Variants in SLC8A3 observed in about 807,000 individuals in gnomAD.
SLC8A3 encodes the protein sodium/calcium exchanger 3.
A neutral mutation model predicts 65.4 loss-of-function variants in SLC8A3; 37 were observed. The ratio of observed to expected loss-of-function variants is 0.57; its 90% CI spans 0.44 to 0.74. The LOEUF (loss-of-function observed/expected upper bound fraction) is 0.74. SLC8A3 is among the 30% of genes least tolerant of loss of function. The pLI is 0.00. For synonymous variants in SLC8A3, 461 were observed against 444.5 expected (o/e 1.04, Z -0.47); for missense variants, 1,112 against 1,172.1 (o/e 0.95, Z 0.75).
intron 2 of SLC8A3, among the ~76,000 whole-genome samples, chr14:70,166,338 C>A (rs1897158041): frequency 1.3e-5 from 2 of 152,198 alleles, no homozygotes; most frequent in African/African-American, 4.8e-5. Flanking sequence ...TATCACAAAA[C>A]TTCTGTCATC....
chr14:70,144,459 A>G (rs1431773553), intron 2 of SLC8A3, among the ~76,000 whole-genome samples: 3 of 151,456 alleles, frequency 2.0e-5, no homozygotes, highest in Non-Finnish European at 4.4e-5. Flanking sequence ...GCAAAACCCC[A>G]TCTCTACTAG....
intron 1 of SLC8A3, among the ~76,000 whole-genome samples, chr14:70,171,736 G>T (rs886680924): frequency 6.6e-5 from 10 of 152,162 alleles, no homozygotes; most frequent in African/African-American, 2.2e-4. Flanking sequence ...GGAGGCTGAG[G>T]TTGCAGTGAG....
chr14:70,097,794 T>A (rs939809344), intron 2 of SLC8A3, among the ~76,000 whole-genome samples: 1 of 151,992 alleles, frequency 6.6e-6, no homozygotes, highest in Non-Finnish European at 1.5e-5. Context: ...CTCTTTAAAG[T>A]ACAGGGGCAG....
chr14:70,159,542 G>A (rs891540127), intron 2 of SLC8A3, among the ~76,000 whole-genome samples: 15 of 152,302 alleles, frequency 9.8e-5, no homozygotes, highest in African/African-American at 3.1e-4. Context: ...GGGTGGAGAA[G>A]GAATGAGTGT....
rs531938653 is a variant in SLC8A3 at position 70,046,483 on chromosome 14, A to G, written c.2390-160T>C. Reference sequence around the variant, plus strand: ...CCTAACTCCTAGTTCTGCCGCAAGCAAGCCGTGTGGCCCTGGGTAGGTCAC... The same window carrying G: ...CCTAACTCCTAGTTCTGCCGCAAGCGAGCCGTGTGGCCCTGGGTAGGTCAC... On this transcript the variant is annotated intron_variant, in intron 6 of 6. Transcript: ENST00000356921. This position sits in a 1 kb window ranked among gnomAD's most constrained non-coding sequence, Gnocchi z 4.2. 7.4e-6 allele frequency: 5 copies of G among 675,490 alleles called. No individual in the cohort carries two copies. The highest frequency in any genetic ancestry group is 7.2e-5 in the African/African-American group (4 of 55,416). The allele number at this position is 675,490 out of a possible 1,614,324, so 41.8% of individuals were successfully genotyped here.
chr14:70,060,560 G>A (rs1029441885), intron 3 of SLC8A3: 7 of 562,416 alleles, frequency 1.2e-5, no homozygotes, highest in African/African-American at 9.4e-5. Context: ...GGGTAATGAG[G>A]AGTTGAGGCT....
intron 1 of SLC8A3, among the ~76,000 whole-genome samples, chr14:70,170,635 A>T (rs1249940683): frequency 1.3e-5 from 2 of 152,254 alleles, no homozygotes; most frequent in Non-Finnish European, 2.9e-5. Context: ...TTTCATAGAC[A>T]AAACCAGACT....
intron 2 of SLC8A3, among the ~76,000 whole-genome samples, chr14:70,099,137 A>G (rs919786853): frequency 2.6e-5 from 4 of 152,160 alleles, no homozygotes; most frequent in African/African-American, 9.7e-5. Flanking sequence ...TTCCATTGCA[A>G]TTGCACTAAT....
intron 2 of SLC8A3, among the ~76,000 whole-genome samples, chr14:70,093,679 C>G (rs918810760): frequency 6.6e-6 from 1 of 152,226 alleles, no homozygotes. Context: ...TGTCAAGGAG[C>G]TGGGGTGAGC....
At chr14:70,153,995 C>T (rs887052704) in intron 2 of SLC8A3, among the ~76,000 whole-genome samples, 1 of 152,224 alleles carries the variant, frequency 6.6e-6, no homozygotes, top group African/African-American at 2.4e-5. Flanking sequence ...TGCAGACCAG[C>T]TCAGGTGAGG....
chr14:70,062,621 A>C (rs774081430), intron 2 of SLC8A3, among the ~76,000 whole-genome samples: 1 of 152,250 alleles, frequency 6.6e-6, no homozygotes, highest in Non-Finnish European at 1.5e-5. Context: ...AAATTGCTTA[A>C]GGACACCTTC....
chr14:70,061,089 G>A (rs1348212109), intron 2 of SLC8A3, 150 bp from the exon 3 acceptor site: 6 of 517,078 alleles, frequency 1.2e-5, no homozygotes, highest in African/African-American at 2.0e-5. Flanking sequence ...ATGGTGGATT[G>A]TGTTGTTCTC....
At chr14:70,129,028 A>G (rs1322011765) in intron 2 of SLC8A3, among the ~76,000 whole-genome samples, 2 of 152,210 alleles carry the variant, frequency 1.3e-5, no homozygotes, top group Non-Finnish European at 2.9e-5. Flanking sequence ...CTCTGGGTCT[A>G]AATCCCAACA....
chr14:70,135,830 T>G (rs1211774928), intron 2 of SLC8A3, among the ~76,000 whole-genome samples: 2 of 152,172 alleles, frequency 1.3e-5, no homozygotes, highest in Non-Finnish European at 2.9e-5. Flanking sequence ...AGTTCTAGTA[T>G]TCGATAGTAC....
intron 2 of SLC8A3, among the ~76,000 whole-genome samples, chr14:70,130,301 C>A (rs1894735883): frequency 6.6e-6 from 1 of 152,220 alleles, no homozygotes; most frequent in Non-Finnish European, 1.5e-5. Context: ...CTGACGTTCA[C>A]CTGCTGACCA....
At chr14:70,088,687 T>C (rs372767313) in intron 2 of SLC8A3, among the ~76,000 whole-genome samples, 1 of 152,196 alleles carries the variant, frequency 6.6e-6, no homozygotes, top group East Asian at 1.9e-4. Flanking sequence ...TATCATCACC[T>C]AGAACTACTC....
At chr14:70,159,534 G>A (rs778883052) in intron 2 of SLC8A3, among the ~76,000 whole-genome samples, 1 of 152,314 alleles carries the variant, frequency 6.6e-6, no homozygotes, top group East Asian at 1.9e-4. Context: ...TAGCTAAAGG[G>A]TGGAGAAGGA....
intron 2 of SLC8A3, among the ~76,000 whole-genome samples, chr14:70,063,226 A>G (rs1889021671): frequency 6.6e-6 from 1 of 152,244 alleles, no homozygotes; most frequent in African/African-American, 2.4e-5. Context: ...CTGTACTTTC[A>G]GCTTCCTCAA....
intron 2 of SLC8A3, among the ~76,000 whole-genome samples, chr14:70,085,429 G>T (rs1891361075): frequency 6.6e-6 from 1 of 151,966 alleles, no homozygotes; most frequent in African/African-American, 2.4e-5. Flanking sequence ...ATTTCTCCTG[G>T]ATAGCAATGT....
Sources: gnomAD v4.1 joint callset for allele counts (sites outside exome capture counted in the v4.1 genomes callset) on GRCh38, gnomAD v4.1.1 for gene constraint, Gnocchi (gnomAD v3.1) non-coding constraint, MANE v1.5 for transcripts, NCBI Gene and HGNC (gene_info 2026-07-23, HGNC 2026-07-21) for gene names.